Variants in SETD9 observed in about 807,000 individuals in gnomAD.
SETD9 encodes the protein SET domain-containing protein 9.
SETD9 carries 37 observed loss-of-function variants against 36.4 expected under a neutral mutation model. The observed-to-expected ratio is 1.02, with a 90% CI of 0.78 to 1.34. SETD9 has a LOEUF of 1.34. Among genes scored for constraint, SETD9 ranks in the 40% most tolerant of loss-of-function variants. SETD9 has a pLI of 0.00. For missense variants in SETD9, 323 were observed against 353.2 expected, an observed-to-expected ratio of 0.91 and a Z score of 0.69; for synonymous variants, 128 against 132.9, an observed-to-expected ratio of 0.96 and a Z score of 0.26.
intron 2 of SETD9, 147 bp downstream of exon 2, chr5:56,911,683 G>T: frequency 1.2e-6 from 1 of 812,488 alleles, no homozygotes. Flanking sequence ...TTCTAATTCG[G>T]AAATTAACTG....
chr5:56,923,385 T>C, intron 5 of SETD9: 1 of 1,614,200 alleles, frequency 6.2e-7, no homozygotes, highest in Non-Finnish European at 8.5e-7. Context: ...TTCATAGGGT[T>C]TAGCTCCGAG....
downstream of SETD9, chr5:56,928,900 A>C: frequency 6.8e-7 from 1 of 1,467,658 alleles, no homozygotes; most frequent in Non-Finnish European, 9.5e-7. Flanking sequence ...GGGCCCCCAA[A>C]TTTTCTTATG....
chr5:56,917,045 T>C lies in SETD9; in HGVS notation c.*143T>C, dbSNP rs181110763. 40 of 1,331,350 alleles carry C rather than the reference T, an allele frequency of 3.0e-5. No individual in the cohort carries two copies. In the African/African-American group the frequency reaches 5.5e-4, roughly 18 times the overall value. The allele number at this position is 1,331,350 out of a possible 1,614,324, so 82.5% of individuals were successfully genotyped here. A position where few individuals can be genotyped will look rare whatever the true frequency, so the allele number is the denominator to read the frequency against. Reference sequence around the variant, plus strand: ...GGAATTTCTTATGTTTTTGTTGATATTATATTTATGTTCCAATTTCATGAT... The same window carrying C: ...GGAATTTCTTATGTTTTTGTTGATACTATATTTATGTTCCAATTTCATGAT... On this transcript the variant is annotated 3_prime_UTR_variant, in exon 6 of 6. Transcript: ENST00000285947.
At position 56,911,300 on chromosome 5, in the gene SETD9, T is replaced by C; in HGVS notation, c.230T>C (p.Met77Thr). 3 of 1,611,872 alleles carry C rather than the reference T, an allele frequency of 1.9e-6. No homozygotes were observed. Among genetic ancestry groups the C allele is most frequent in the Non-Finnish European group, 2.5e-6 (3 of 1,179,240 alleles). Residue 77 changes from methionine to threonine, a missense_variant, in exon 2 of 6, where the codon ATG (methionine) becomes ACG (threonine). Coordinates refer to ENST00000285947, the MANE Select transcript of SETD9 (RefSeq NM_153706.4). Reference sequence around the variant, plus strand: ...AATAAACAATCAGAAATCTTGTCTATGCTTCCAGAATCTGTTAAATCAAAA... The same window carrying C: ...AATAAACAATCAGAAATCTTGTCTACGCTTCCAGAATCTGTTAAATCAAAA... ...DFNKQSEILS[M>T]LPESVKSKYQ...
downstream of SETD9, among the ~76,000 whole-genome samples, chr5:56,925,739 T>C (rs901306995): frequency 1.3e-5 from 2 of 152,102 alleles, no homozygotes; most frequent in Admixed American, 1.3e-4. Context: ...ATTTTGTGGG[T>C]ATCAACAAAC....
intron 1 of SETD9, 70 bp from the exon 2 acceptor site, chr5:56,911,099 A>G (rs1749093731): frequency 6.7e-7 from 1 of 1,487,530 alleles, no homozygotes; most frequent in Non-Finnish European, 8.9e-7. Context: ...CCAGGAACCC[A>G]GAAGTTATGC....
intron 2 of SETD9, 110 bp from the exon 3 acceptor site, chr5:56,912,901 G>A: frequency 8.3e-7 from 1 of 1,203,140 alleles, no homozygotes; most frequent in South Asian, 1.4e-5. Context: ...CGCTTTAAGA[G>A]GGAGAAAGTA....
Position 56,917,029 on chromosome 5 carries a change from T to G in SETD9, c.*127T>G. ...AGACTTAATTGGAATAGGAATTTCT[T>G]ATGTTTTTGTTGATATTATATTTAT... is the stretch of plus-strand genomic sequence containing the variant. On this transcript the variant is annotated 3_prime_UTR_variant, in exon 6 of 6. Coordinates refer to ENST00000285947, the MANE Select transcript of SETD9 (RefSeq NM_153706.4). The G allele has an allele frequency of 1.5e-6, 2 of 1,352,998 alleles. No homozygotes were observed. The highest frequency in any genetic ancestry group is 1.9e-6 in the Non-Finnish European group (2 of 1,057,820). 83.8% of individuals were successfully genotyped at this position (1,352,998 alleles called of 1,614,324 possible). A position where few individuals can be genotyped will look rare whatever the true frequency, so the allele number is the denominator to read the frequency against.
At position 56,910,368 on chromosome 5, in the gene SETD9, C is replaced by T. The variant is rs762333528; in HGVS notation, c.98+625C>T. On this transcript the variant is annotated intron_variant, in intron 1 of 5. Transcript: ENST00000285947. ...ACGGGCAGAACGCCACTCAAAAGCACGTCGGGATGGTGGGTTTCGGATTGG... is the reference window on the plus strand; with the variant it reads ...ACGGGCAGAACGCCACTCAAAAGCATGTCGGGATGGTGGGTTTCGGATTGG... 30 of 1,304,178 alleles carry T rather than the reference C, an allele frequency of 2.3e-5. 1 individual carries two copies. The South Asian group carries it at 3.5e-4, about 15-fold the overall frequency. The allele number at this position is 1,304,178 out of a possible 1,614,324, so 80.8% of individuals were successfully genotyped here.
downstream of SETD9, among the ~76,000 whole-genome samples, chr5:56,925,847 T>C (rs1015484760): frequency 1.3e-5 from 2 of 151,730 alleles, no homozygotes; most frequent in Non-Finnish European, 2.9e-5. Context: ...CAAGATTTAC[T>C]ATAAAGCTAT....
At chr5:56,911,715 G>GA in intron 2 of SETD9, 179 bp downstream of exon 2, 2 of 613,618 alleles carry the variant, frequency 3.3e-6, no homozygotes, top group Non-Finnish European at 5.0e-6. Flanking sequence ...TTTTGTGTTA[G>GA]AAAGTATCCT....
At chr5:56,918,530 T>G (rs996943070), downstream of SETD9, among the ~76,000 whole-genome samples, 2 of 152,226 alleles carry the variant, frequency 1.3e-5, no homozygotes, top group African/African-American at 4.8e-5. Flanking sequence ...TTCCACAGGC[T>G]TTTCCGTCTC....
At chr5:56,911,993 A>G (rs1749156545) in intron 2 of SETD9, among the ~76,000 whole-genome samples, 1 of 152,132 alleles carries the variant, frequency 6.6e-6, no homozygotes, top group African/African-American at 2.4e-5. Context: ...GTCTCTACTG[A>G]AAATACAAGA....
intron 5 of SETD9, 53 bp from the exon 6 acceptor site, chr5:56,916,762 T>C (rs951062717): frequency 6.4e-7 from 1 of 1,567,908 alleles, no homozygotes; most frequent in Non-Finnish European, 8.6e-7. Context: ...ATATTAAAAA[T>C]ATGAGCTTAT....
intron 1 of SETD9, 69 bp downstream of exon 1, chr5:56,909,812 A>C (rs1749004545): frequency 7.7e-7 from 1 of 1,300,230 alleles, no homozygotes; most frequent in Non-Finnish European, 1.0e-6. Flanking sequence ...CGGCGGCGGG[A>C]CGCAAAGCGG....
downstream of SETD9, among the ~76,000 whole-genome samples, chr5:56,926,478 A>C (rs79680734): frequency 6.6e-6 from 1 of 152,116 alleles, no homozygotes; most frequent in Non-Finnish European, 1.5e-5. Flanking sequence ...GCAAATAAGC[A>C]TAAGAAAAGA....
Position 56,911,430 on chromosome 5 carries a change from G to T in SETD9, c.360G>T (p.Leu120Phe). ...FKPEEILYKTLGFSVAQATSS... is the reference protein window; with the variant it reads ...FKPEEILYKTFGFSVAQATSS... ...CAGAAGAAATTCTTTACAAGACTTT[G>T]GGTTTCAGTGTTGCCCAAGCAACTA... The change falls in exon 2 of 6, where the codon TTG becomes TTT. Residue 120 changes from leucine to phenylalanine, a missense_variant. Physicochemically the swap from Leu to Phe is conservative, Grantham distance 22. Coordinates refer to ENST00000285947, the MANE Select transcript of SETD9 (RefSeq NM_153706.4). 1 of 1,613,438 alleles carries T rather than the reference G, an allele frequency of 6.2e-7. No individual in the cohort carries two copies.
intron 2 of SETD9, chr5:56,912,264 G>A (rs181793016): frequency 1.0e-6 from 1 of 982,088 alleles, no homozygotes; most frequent in East Asian, 1.1e-4. Flanking sequence ...GGAAAGTAAG[G>A]CAATTTCTTG....
intron 2 of SETD9, among the ~76,000 whole-genome samples, chr5:56,912,727 GTATATA>G (rs1053156492): frequency 2.0e-5 from 3 of 151,906 alleles, no homozygotes; most frequent in African/African-American, 7.3e-5. Context: ...ATGTGTGTGT[GTATATA>G]TATACACATA....
Sources: allele counts gnomAD v4.1 joint callset (sites outside exome capture counted in the v4.1 genomes callset), GRCh38; gene constraint gnomAD v4.1.1; transcripts MANE v1.5; gene names NCBI Gene and HGNC (gene_info 2026-07-23, HGNC 2026-07-21).